Variants in AGBL1 observed in about 807,000 individuals in gnomAD.
The protein encoded by AGBL1 is AGBL carboxypeptidase 1, also known as cytosolic carboxypeptidase 4.
In AGBL1, 130 loss-of-function variants were observed where a neutral mutation model predicts 118.9. That is an observed-to-expected ratio of 1.09 (90% CI 0.95 to 1.26). AGBL1 has a LOEUF of 1.26. AGBL1 is among the 50% of genes most tolerant of loss of function. AGBL1 has a pLI of 0.00. For missense variants in AGBL1, 1,584 were observed against 1,298.1 expected, an observed-to-expected ratio of 1.22 and a Z score of -3.38; for synonymous variants, 555 against 478.9, an observed-to-expected ratio of 1.16 and a Z score of -2.08.
intron 22 of AGBL1, among the ~76,000 whole-genome samples, chr15:86,740,343 G>A (rs541564245): frequency 2.0e-5 from 3 of 152,290 alleles, no homozygotes; most frequent in Non-Finnish European, 4.4e-5. Context: ...ATAAATTGAA[G>A]AGGTTAACAT....
intron 18 of AGBL1, among the ~76,000 whole-genome samples, chr15:86,411,199 A>G (rs993201180): frequency 1.3e-5 from 2 of 151,768 alleles, no homozygotes; most frequent in African/African-American, 4.8e-5. Flanking sequence ...GGTATCTCCA[A>G]GAGCTTTTCA....
chr15:86,537,227 G>A (rs1029454038), intron 19 of AGBL1, among the ~76,000 whole-genome samples: 13 of 152,186 alleles, frequency 8.5e-5, no homozygotes, highest in African/African-American at 2.9e-4. Flanking sequence ...CCTTGTTATA[G>A]GTCAAAAAGA....
chr15:86,527,826 C>G (rs940359147), intron 19 of AGBL1, among the ~76,000 whole-genome samples: 2 of 152,102 alleles, frequency 1.3e-5, no homozygotes, highest in African/African-American at 4.8e-5. Context: ...TTGAGCATTG[C>G]TAAATACCAG....
At chr15:86,511,396 T>A (rs185369217) in intron 18 of AGBL1, among the ~76,000 whole-genome samples, 11 of 152,136 alleles carry the variant, frequency 7.2e-5, no homozygotes, top group Admixed American at 7.2e-4. Context: ...GCAGACACCT[T>A]TCATTTCTGT....
chr15:86,920,513 T>C (rs1450111249), downstream of AGBL1, among the ~76,000 whole-genome samples: 1 of 152,042 alleles, frequency 6.6e-6, no homozygotes, highest in African/African-American at 2.4e-5. Context: ...TGATCAAAAG[T>C]GGGGAAGGGG....
intron 24 of AGBL1, among the ~76,000 whole-genome samples, chr15:87,025,820 A>G (rs2081721224): frequency 6.6e-6 from 1 of 152,124 alleles, no homozygotes; most frequent in African/African-American, 2.4e-5. Flanking sequence ...ACATAGACTA[A>G]TGGAACAGAG....
chr15:86,552,010 G>T (rs963354194), intron 20 of AGBL1, among the ~76,000 whole-genome samples: 4 of 152,120 alleles, frequency 2.6e-5, no homozygotes, highest in African/African-American at 9.7e-5. Flanking sequence ...GGAACACAGG[G>T]GATTCTTAGG....
At chr15:86,667,198 ATATC>A (rs1567111734) in intron 21 of AGBL1, among the ~76,000 whole-genome samples, 1 of 148,268 alleles carries the variant, frequency 6.7e-6, no homozygotes, top group Non-Finnish European at 1.5e-5. Flanking sequence ...TAAAATTGAG[ATATC>A]TATGTATGTA....
At chr15:86,292,068 G>A (rs1183519162) in intron 16 of AGBL1, among the ~76,000 whole-genome samples, 2 of 152,144 alleles carry the variant, frequency 1.3e-5, no homozygotes, top group Non-Finnish European at 2.9e-5. Context: ...ATGTTGGCAT[G>A]GTAGGCAGAA....
chr15:86,150,656 T>A (rs1190869185), intron 3 of AGBL1, among the ~76,000 whole-genome samples: 1 of 151,966 alleles, frequency 6.6e-6, no homozygotes, highest in Non-Finnish European at 1.5e-5. Context: ...AAAGTCCAGG[T>A]CCAGATGGAT....
At position 86,522,899 on chromosome 15, in the gene AGBL1, G is replaced by A. The variant is rs770503705; in HGVS notation, c.2645G>A (p.Gly882Asp). Residue 882 changes from glycine (G) to aspartate (D), a missense_variant, in exon 19 of 23, where the codon GGC becomes GAC. Transcript: ENST00000614907. ...HLQPTIYHAK[G>D]LLYHLSSIGR... ...CAGCCAACCATTTACCATGCCAAAG[G>A]CCTCCTCTACCACCTGAGCAGCATT... 7.4e-5 allele frequency: 120 copies of A among 1,613,842 alleles called. No homozygotes were observed. The highest frequency in any genetic ancestry group is 1.6e-4 in the Middle Eastern group (1 of 6,082).
At chr15:86,572,171 C>T (rs1234159506) in intron 21 of AGBL1, among the ~76,000 whole-genome samples, 1 of 152,184 alleles carries the variant, frequency 6.6e-6, no homozygotes, top group African/African-American at 2.4e-5. Flanking sequence ...GCAGGCACTT[C>T]CGGGCCCGCA....
At chr15:86,783,764 G>C (rs574119010) in intron 22 of AGBL1, among the ~76,000 whole-genome samples, 6 of 152,104 alleles carry the variant, frequency 3.9e-5, no homozygotes, top group Non-Finnish European at 8.8e-5. Context: ...CAAGTATCTG[G>C]GATTACAGGT....
chr15:86,215,999 A>G lies in AGBL1; in HGVS notation c.489-8915A>G, dbSNP rs536418271. ...TGTTAAATTGATTACCAGGAATTGTACTCTTTTTGCTGCTAAGATTAGTGG... is the reference window on the plus strand; with the variant it reads ...TGTTAAATTGATTACCAGGAATTGTGCTCTTTTTGCTGCTAAGATTAGTGG... On this transcript the variant is annotated intron_variant, in intron 5 of 22. Coordinates refer to ENST00000614907, the MANE Select transcript of AGBL1 (RefSeq NM_001386094.1). Among the ~76,000 whole-genome samples, 6 of 152,168 alleles carry G rather than the reference A, an allele frequency of 3.9e-5. No homozygotes were observed. The East Asian group carries it at 7.7e-4, about 20-fold the overall frequency.
intron 19 of AGBL1, among the ~76,000 whole-genome samples, chr15:86,537,768 C>G (rs906000404): frequency 2.0e-5 from 3 of 152,196 alleles, no homozygotes; most frequent in Non-Finnish European, 4.4e-5. Flanking sequence ...CCTCCTTTAA[C>G]TTTAGAAGAA....
chr15:86,154,828 G>A (rs957861870), intron 4 of AGBL1, among the ~76,000 whole-genome samples: 1 of 152,034 alleles, frequency 6.6e-6, no homozygotes, highest in African/African-American at 2.4e-5. Context: ...ACACATTACA[G>A]CATTGTAGGC....
At chr15:86,391,763 T>G (rs1455562756) in intron 17 of AGBL1, among the ~76,000 whole-genome samples, 4 of 151,182 alleles carry the variant, frequency 2.6e-5, no homozygotes, top group Admixed American at 2.6e-4. Flanking sequence ...GTACCTTCAT[T>G]TCTTCTCTTG....
chr15:86,772,969 C>G (rs900888316), intron 22 of AGBL1, among the ~76,000 whole-genome samples: 2 of 151,924 alleles, frequency 1.3e-5, no homozygotes, highest in African/African-American at 4.8e-5. Context: ...ACCAGTGAAC[C>G]CTTAACGTGC....
intron 23 of AGBL1, among the ~76,000 whole-genome samples, chr15:86,942,739 C>A (rs903178258): frequency 6.6e-6 from 1 of 152,130 alleles, no homozygotes; most frequent in African/African-American, 2.4e-5. Context: ...TAGAAACAGT[C>A]GGCTTTTCTA....
Sources: gnomAD v4.1 joint callset for allele counts (sites outside exome capture counted in the v4.1 genomes callset) on GRCh38, gnomAD v4.1.1 for gene constraint, MANE v1.5 for transcripts, NCBI Gene and HGNC (gene_info 2026-07-23, HGNC 2026-07-21) for gene names.